KCNK2: variants seen among roughly 807,000 people sequenced by gnomAD.
KCNK2 encodes the protein potassium two pore domain channel subfamily K member 2.
In KCNK2, 21 loss-of-function variants were observed where a neutral mutation model predicts 40.5. The observed-to-expected ratio is 0.52, with a 90% CI of 0.37 to 0.75. The LOEUF (loss-of-function observed/expected upper bound fraction) is 0.75. Ranked by LOEUF, KCNK2 falls within the 30% of genes least tolerant of loss-of-function variation. The pLI is 0.00. For missense variants in KCNK2, 399 were observed against 531.6 expected, an observed-to-expected ratio of 0.75 and a Z score of 2.45; for synonymous variants, 191 against 202.2, an observed-to-expected ratio of 0.94 and a Z score of 0.47.
Position 215,083,203 on chromosome 1 carries a change from C to CCCCCCCCCCCCCG in KCNK2, c.-183_-182insCCCCCCCCCCCCG. The CCCCCCCCCCCCCG allele has an allele frequency of 3.7e-6, 3 of 804,894 alleles. No individual in the cohort carries two copies. Among genetic ancestry groups the CCCCCCCCCCCCCG allele is most frequent in the Non-Finnish European group, 5.7e-6 (3 of 524,286 alleles). 49.9% of individuals were successfully genotyped at this position (804,894 alleles called of 1,614,324 possible). On this transcript the variant is annotated 5_prime_UTR_variant, in exon 1 of 7. Transcript: ENST00000444842. The stretch of plus-strand genomic sequence containing the variant: ...TCGTTTCTTCTCACGCTCCCCCCCC[C>CCCCCCCCCCCCCG]GCCCCCTCCCGCGTCCAGCCCCGCT...
At chr1:215,187,063 G>T (rs1407919638) in intron 5 of KCNK2, among the ~76,000 whole-genome samples, 2 of 152,062 alleles carry the variant, frequency 1.3e-5, no homozygotes, top group Non-Finnish European at 2.9e-5. Context: ...TCGACATTCT[G>T]GGCTCAAGTA....
intron 1 of KCNK2, among the ~76,000 whole-genome samples, chr1:215,011,874 G>A (rs1018557656): frequency 1.3e-5 from 2 of 151,784 alleles, no homozygotes; most frequent in Non-Finnish European, 2.9e-5. Flanking sequence ...CCAAAGTGCT[G>A]GGTTTACAGG....
chr1:215,145,491 A>G (rs1377315080), intron 3 of KCNK2, among the ~76,000 whole-genome samples: 1 of 152,160 alleles, frequency 6.6e-6, no homozygotes, highest in African/African-American at 2.4e-5. Flanking sequence ...CTGTGAATCA[A>G]AGATAGCATG....
intron 1 of KCNK2, among the ~76,000 whole-genome samples, chr1:215,054,154 A>C (rs1658080624): frequency 6.6e-6 from 1 of 152,238 alleles, no homozygotes; most frequent in Non-Finnish European, 1.5e-5. Context: ...TTCTCTAGGT[A>C]TTAATTCATG....
At chr1:215,072,017 A>G (rs1658771833) in intron 1 of KCNK2, among the ~76,000 whole-genome samples, 1 of 152,174 alleles carries the variant, frequency 6.6e-6, no homozygotes, top group Admixed American at 6.5e-5. Context: ...AAAATATTGC[A>G]TTATTATTTA....
chr1:215,162,109 C>A (rs1052766202), intron 3 of KCNK2, among the ~76,000 whole-genome samples: 2 of 152,128 alleles, frequency 1.3e-5, no homozygotes, highest in Non-Finnish European at 2.9e-5. Flanking sequence ...TTTTAACAAT[C>A]ACCATTCTAA....
intron 2 of KCNK2, among the ~76,000 whole-genome samples, chr1:215,119,976 C>T (rs944547892): frequency 2.0e-5 from 3 of 152,090 alleles, no homozygotes; most frequent in African/African-American, 7.2e-5. Flanking sequence ...TTGACCAAGA[C>T]ACCTCATACA....
intron 1 of KCNK2, among the ~76,000 whole-genome samples, chr1:215,075,615 A>G (rs1658899590): frequency 6.6e-6 from 1 of 152,232 alleles, no homozygotes; most frequent in Admixed American, 6.5e-5. Flanking sequence ...TTATTGGCAT[A>G]AATGGCAAAA....
At chr1:215,033,480 T>C (rs1657277224) in intron 1 of KCNK2, among the ~76,000 whole-genome samples, 1 of 152,188 alleles carries the variant, frequency 6.6e-6, no homozygotes, top group Non-Finnish European at 1.5e-5. Flanking sequence ...TACAAATAAC[T>C]GTTGTAAATA....
Position 215,195,089 on chromosome 1 carries a change from A to C in KCNK2, c.960A>C (p.Glu320Asp). The C allele has an allele frequency of 6.2e-7, 1 of 1,604,246 alleles. No homozygotes were observed. Among genetic ancestry groups the C allele is most frequent in the Non-Finnish European group, 8.5e-7 (1 of 1,174,814 alleles). ...GAGTGATATCTAAAAAGACAAAAGAAGAGGTGAGAATTAAGAAGTGTGCAA... is the reference window on the plus strand; with the variant it reads ...GAGTGATATCTAAAAAGACAAAAGACGAGGTGAGAATTAAGAAGTGTGCAA... ...WLRVISKKTK[E>D]EVGEFRAHAA... The change falls in exon 6 of 7, where the codon GAA becomes GAC. Residue 320 changes from glutamate to aspartate, a missense_variant. Coordinates refer to ENST00000444842, the MANE Select transcript of KCNK2 (RefSeq NM_001017425.3).
At position 215,118,098 on chromosome 1, in the gene KCNK2, C is replaced by A. The variant is rs772641314; in HGVS notation, c.358-6535C>A. Among the ~76,000 whole-genome samples the A allele has an allele frequency of 1.3e-3, 203 of 152,200 alleles. 1 individual carries two copies. Among genetic ancestry groups the A allele is most frequent in the Non-Finnish European group, 2.1e-3 (146 of 67,992 alleles). On this transcript the variant is annotated intron_variant, in intron 2 of 6. Coordinates refer to ENST00000444842, the MANE Select transcript of KCNK2 (RefSeq NM_001017425.3). Reference sequence around the variant, plus strand: ...CCAGTCAAGGTTGCCTAGGCTCCACCAGTGCAGTCTGTGAAATTCTGAGCC... The same window carrying A: ...CCAGTCAAGGTTGCCTAGGCTCCACAAGTGCAGTCTGTGAAATTCTGAGCC...
intron 2 of KCNK2, among the ~76,000 whole-genome samples, chr1:215,107,146 T>C (rs1294667540): frequency 6.6e-6 from 1 of 152,038 alleles, no homozygotes; most frequent in Non-Finnish European, 1.5e-5. Context: ...TTTAATTTGA[T>C]AGGAATAATG....
chr1:215,024,112 C>A (rs1277713739), intron 1 of KCNK2, among the ~76,000 whole-genome samples: 1 of 152,180 alleles, frequency 6.6e-6, no homozygotes, highest in Non-Finnish European at 1.5e-5. Flanking sequence ...GTGGCATGAA[C>A]TTCCTAAGGC....
chr1:215,107,192 T>G (rs1486343781), intron 2 of KCNK2, among the ~76,000 whole-genome samples: 1 of 152,076 alleles, frequency 6.6e-6, no homozygotes, highest in Non-Finnish European at 1.5e-5. Context: ...GTATGGCCAT[T>G]TTAATGATAT....
intron 6 of KCNK2, among the ~76,000 whole-genome samples, chr1:215,200,622 C>G (rs1027660751): frequency 2.0e-5 from 3 of 152,102 alleles, no homozygotes; most frequent in Admixed American, 1.3e-4. Context: ...TAGTTGCAAA[C>G]AAAGCTGGAT....
At chr1:215,196,606 T>C (rs552708241) in intron 6 of KCNK2, among the ~76,000 whole-genome samples, 14 of 152,272 alleles carry the variant, frequency 9.2e-5, no homozygotes, top group Admixed American at 6.5e-5. Context: ...ATTTAAACTG[T>C]ATGAAAAGCC....
chr1:215,177,740 A>ATATATATATATATATAT (rs71167812), intron 5 of KCNK2, among the ~76,000 whole-genome samples: 1 of 101,600 alleles, frequency 9.8e-6, no homozygotes, highest in Non-Finnish European at 2.0e-5. Context: ...ATATATATAT[A>ATATATATATATATATAT]TTTTTTTTTT....
intron 5 of KCNK2, among the ~76,000 whole-genome samples, chr1:215,175,583 T>C (rs562912259): frequency 6.6e-6 from 1 of 152,084 alleles, no homozygotes; most frequent in African/African-American, 2.4e-5. Context: ...TGGGGTAAGA[T>C]TGATCCCATC....
At chr1:215,184,976 T>C (rs1307181081) in intron 5 of KCNK2, among the ~76,000 whole-genome samples, 1 of 152,192 alleles carries the variant, frequency 6.6e-6, no homozygotes, top group East Asian at 1.9e-4. Flanking sequence ...AAAAATATTT[T>C]TCTTTATCAT....
Sources: gnomAD v4.1 joint callset for allele counts (sites outside exome capture counted in the v4.1 genomes callset) on GRCh38, gnomAD v4.1.1 for gene constraint, MANE v1.5 for transcripts, NCBI Gene and HGNC (gene_info 2026-07-23, HGNC 2026-07-21) for gene names.